RNF217: variants seen among roughly 807,000 people sequenced by gnomAD.
RNF217 encodes the protein E3 ubiquitin-protein ligase RNF217.
A neutral mutation model predicts 57.8 loss-of-function variants in RNF217; 31 were observed. The ratio of observed to expected loss-of-function variants is 0.54; its 90% CI spans 0.40 to 0.72. The LOEUF (loss-of-function observed/expected upper bound fraction) is 0.72, where lower values mean the gene tolerates loss of function less well. Among genes scored for constraint, RNF217 ranks in the 30% least tolerant of loss-of-function variants. The pLI is 0.00. For synonymous variants in RNF217, 313 were observed against 294.0 expected (o/e 1.06, Z -0.66); for missense variants, 696 against 708.3 (o/e 0.98, Z 0.20).
At chr6:125,016,702 C>A (rs1188372140) in intron 1 of RNF217, among the ~76,000 whole-genome samples, 1 of 151,992 alleles carries the variant, frequency 6.6e-6, no homozygotes, top group East Asian at 1.9e-4. Flanking sequence ...CCAAACACCA[C>A]CTGTTCTCAC....
chr6:125,020,707 A>G (rs1785802602), intron 1 of RNF217, among the ~76,000 whole-genome samples: 1 of 152,184 alleles, frequency 6.6e-6, no homozygotes, highest in South Asian at 2.1e-4. Context: ...CTCACATAGA[A>G]TATTATATAA....
At chr6:125,017,729 A>G (rs1015509215) in intron 1 of RNF217, among the ~76,000 whole-genome samples, 5 of 152,182 alleles carry the variant, frequency 3.3e-5, no homozygotes, top group African/African-American at 1.2e-4. Flanking sequence ...GGAAGGTTAT[A>G]ATTACATATT....
intron 2 of RNF217, among the ~76,000 whole-genome samples, chr6:125,048,419 A>G (rs566760564): frequency 8.5e-5 from 13 of 152,056 alleles, no homozygotes; most frequent in African/African-American, 2.9e-4. Context: ...AGAAAAAAAA[A>G]GGTTGCTGCT....
chr6:125,075,927 A>G (rs1480313266), intron 3 of RNF217, among the ~76,000 whole-genome samples: 1 of 152,072 alleles, frequency 6.6e-6, no homozygotes, highest in Admixed American at 6.6e-5. Flanking sequence ...GTATGTATAT[A>G]TACCATACCA....
At chr6:125,034,877 C>G (rs1582734985) in intron 1 of RNF217, among the ~76,000 whole-genome samples, 2 of 152,112 alleles carry the variant, frequency 1.3e-5, no homozygotes, top group East Asian at 3.9e-4. Flanking sequence ...TTTCATTGAG[C>G]AGTGGTTTGT....
intron 3 of RNF217, among the ~76,000 whole-genome samples, chr6:125,061,002 A>AAG (rs1787711412): frequency 6.6e-6 from 1 of 152,204 alleles, no homozygotes; most frequent in African/African-American, 2.4e-5. Flanking sequence ...AGTAGTTTTC[A>AAG]AAACATTTAT....
intron 1 of RNF217, among the ~76,000 whole-genome samples, chr6:125,007,068 G>A (rs1446349576): frequency 6.6e-6 from 1 of 152,132 alleles, no homozygotes; most frequent in Admixed American, 6.6e-5. Flanking sequence ...AATTAATTCT[G>A]AGATTTGTTA....
At chr6:124,974,828 T>C (rs1358492725) in intron 1 of RNF217, among the ~76,000 whole-genome samples, 1 of 152,226 alleles carries the variant, frequency 6.6e-6, no homozygotes, top group African/African-American at 2.4e-5. Context: ...GGTGATGTTA[T>C]CGTGTGATTC....
chr6:124,974,939 C>CAT (rs1783905623), intron 1 of RNF217, among the ~76,000 whole-genome samples: 1 of 152,168 alleles, frequency 6.6e-6, no homozygotes, highest in Admixed American at 6.5e-5. Flanking sequence ...ACAGAAGAGG[C>CAT]ATATTGCTTT....
At position 124,962,485 on chromosome 6, in the gene RNF217, G is replaced by A. The variant is rs1260617972; in HGVS notation, c.-60G>A. On this transcript the variant is annotated 5_prime_UTR_variant, in exon 1 of 6. Coordinates refer to ENST00000521654, the MANE Select transcript of RNF217 (RefSeq NM_001286398.3). The surrounding 1 kb of genome is among the most constrained non-coding windows in gnomAD (Gnocchi z 4.6). ...CGAGCCACTGCCCCCGCTGCCCGCG[G>A]GCGCCGGGTGGGGGTCCCGGCGGCT... The A allele has an allele frequency of 4.6e-6, 4 of 867,744 alleles. No individual in the cohort carries two copies. Among genetic ancestry groups the A allele is most frequent in the Admixed American group, 5.0e-5 (1 of 19,810 alleles). 53.8% of individuals were successfully genotyped at this position (867,744 alleles called of 1,614,324 possible).
chr6:124,987,800 T>C (rs1386879003), intron 1 of RNF217, among the ~76,000 whole-genome samples: 1 of 152,158 alleles, frequency 6.6e-6, no homozygotes, highest in East Asian at 1.9e-4. Flanking sequence ...GAAGGTGATA[T>C]AGAAGCTCAA....
intron 1 of RNF217, among the ~76,000 whole-genome samples, chr6:125,029,800 A>T (rs974810232): frequency 6.6e-6 from 1 of 152,170 alleles, no homozygotes; most frequent in Non-Finnish European, 1.5e-5. Context: ...ATAAAAAAAA[A>T]TTTTTGAAAT....
intron 1 of RNF217, among the ~76,000 whole-genome samples, chr6:125,019,486 AAT>A (rs1172708215): frequency 2.0e-5 from 3 of 152,334 alleles, no homozygotes; most frequent in East Asian, 3.9e-4. Flanking sequence ...TGAGTCTAAC[AAT>A]ATATATGTTA....
intron 2 of RNF217, among the ~76,000 whole-genome samples, chr6:125,053,004 A>G (rs757411820): frequency 2.0e-5 from 3 of 152,076 alleles, no homozygotes; most frequent in Admixed American, 6.6e-5. Flanking sequence ...TTCAGGCTAC[A>G]TTAGAACACT....
chr6:125,083,142 G>A lies in RNF217; in HGVS notation c.*205G>A, dbSNP rs937073542. ...TCCTTTCCCTAAACAAATTGCTGCT[G>A]CTTTTAAAAAATGGTCACTTTCATA... is the stretch of plus-strand genomic sequence containing the variant. On this transcript the variant is annotated 3_prime_UTR_variant, in exon 6 of 6. Transcript: ENST00000521654. The A allele has an allele frequency of 4.6e-6, 2 of 434,592 alleles. No individual in the cohort carries two copies. The highest frequency in any genetic ancestry group is 4.1e-5 in the African/African-American group (2 of 48,314). The allele number at this position is 434,592 out of a possible 1,614,324, so 26.9% of individuals were successfully genotyped here. A position where few individuals can be genotyped will look rare whatever the true frequency, so the allele number is the denominator to read the frequency against.
chr6:125,007,372 A>G (rs1330406597), intron 1 of RNF217, among the ~76,000 whole-genome samples: 1 of 151,538 alleles, frequency 6.6e-6, no homozygotes, highest in African/African-American at 2.4e-5. Flanking sequence ...CAGCCTCCCA[A>G]GTAGCTGGGA....
At chr6:125,027,979 A>AT (rs1190226705) in intron 1 of RNF217, among the ~76,000 whole-genome samples, 5 of 151,604 alleles carry the variant, frequency 3.3e-5, no homozygotes, top group Non-Finnish European at 7.4e-5. Context: ...AGATTATTAG[A>AT]TTTTTTCCTG....
At chr6:125,001,791 G>T (rs1440269656) in intron 1 of RNF217, among the ~76,000 whole-genome samples, 1 of 152,104 alleles carries the variant, frequency 6.6e-6, no homozygotes, top group Non-Finnish European at 1.5e-5. Flanking sequence ...CTGAGAGAGG[G>T]AAACAAAATG....
intron 1 of RNF217, among the ~76,000 whole-genome samples, chr6:125,019,827 T>G (rs1199325705): frequency 3.6e-5 from 5 of 140,310 alleles, no homozygotes; most frequent in Non-Finnish European, 7.8e-5. Context: ...GTCCCCTTTT[T>G]TGCAGTGGGG....
Sources: gnomAD v4.1 joint callset for allele counts (sites outside exome capture counted in the v4.1 genomes callset) on GRCh38, gnomAD v4.1.1 for gene constraint, Gnocchi (gnomAD v3.1) non-coding constraint, MANE v1.5 for transcripts, NCBI Gene and HGNC (gene_info 2026-07-23, HGNC 2026-07-21) for gene names.